The following NRG2 variants were observed in gnomAD, a reference collection of about 807,000 sequenced individuals.
The protein encoded by NRG2 is pro-neuregulin-2, membrane-bound isoform.
In NRG2, 27 loss-of-function variants were observed where a neutral mutation model predicts 73.9. The observed-to-expected ratio is 0.37, with a 90% confidence interval of 0.27 to 0.50. NRG2 has a LOEUF of 0.50. Among genes scored for constraint, NRG2 ranks in the 20% least tolerant of loss-of-function variants. The pLI is 0.96. For missense variants in NRG2, 1,126 were observed against 1,210.1 expected, an observed-to-expected ratio of 0.93 and a Z score of 1.03; for synonymous variants, 532 against 541.0, an observed-to-expected ratio of 0.98 and a Z score of 0.23.
At chr5:139,967,394 C>T (rs919344692) in intron 1 of NRG2, among the ~76,000 whole-genome samples, 1 of 152,206 alleles carries the variant, frequency 6.6e-6, no homozygotes, top group Non-Finnish European at 1.5e-5. Context: ...TACTGAAGGA[C>T]AAGTGTCCTT....
Position 139,848,207 on chromosome 5 carries a change from G to T in NRG2, c.2263C>A (p.Arg755Ser), listed in dbSNP as rs1353274801. 7.7e-7 allele frequency: 1 copy of T among 1,290,644 alleles called. No individual in the cohort carries two copies. 79.9% of individuals were successfully genotyped at this position (1,290,644 alleles called of 1,614,324 possible). A position where few individuals can be genotyped will look rare whatever the true frequency, so the allele number is the denominator to read the frequency against. Reference sequence around the variant, plus strand: ...AGCGAGTCCCTCGCCGCCCGTGCGCGCTGCGCCGCCAGCCCGTTGAGGCGC... The same window carrying T: ...AGCGAGTCCCTCGCCGCCCGTGCGCTCTGCGCCGCCAGCCCGTTGAGGCGC... The part of the protein sequence containing the change: ...RSRLNGLAAQ[R>S]ARAARDSLSL... The change falls in exon 10 of 10, where the codon CGC becomes AGC. Residue 755 changes from arginine (R) to serine (S), a missense_variant. This residue lies in a region of NRG2 where 402 missense variants were observed against 357.8 expected (regional missense o/e 1.12). Transcript: ENST00000361474.
chr5:140,029,813 T>A (rs1760998141), intron 1 of NRG2, among the ~76,000 whole-genome samples: 1 of 152,022 alleles, frequency 6.6e-6, no homozygotes, highest in African/African-American at 2.4e-5. Flanking sequence ...CTGTACCCTC[T>A]ACAAAGTGGT....
rs544064158 is a variant in NRG2 at position 139,873,302 on chromosome 5, G to A, written c.992-1461C>T. 1.1e-4 allele frequency among the ~76,000 whole-genome samples: 16 copies of A among 152,292 alleles called. 1 individual carries two copies. The South Asian group carries it at 2.9e-3, about 28-fold the overall frequency. ...CAGACCCAGCTGGAACCCACGTGCT[G>A]GCTGGAACTAGAGACCTCCTGCTGA... On this transcript the variant is annotated intron_variant, in intron 3 of 9. Transcript: ENST00000361474.
In NRG2 at chr5:140,034,665, GAAACA is replaced by G. The variant is rs1322683624; in HGVS notation, c.700+7700_700+7704del. On this transcript the variant is annotated intron_variant, in intron 1 of 9. Coordinates refer to ENST00000361474, the MANE Select transcript of NRG2 (RefSeq NM_004883.3). ...GTCACAACATACAAAGTCAATATAT[GAAACA>G]AAACAAAACAATGATATTTCTACAC... 7.2e-5 allele frequency among the ~76,000 whole-genome samples: 11 copies of G among 151,852 alleles called. No homozygotes were observed. In the East Asian group the frequency reaches 2.1e-3, roughly 29 times the overall value.
Position 140,021,616 on chromosome 5 carries a change from C to T in NRG2, c.700+20754G>A, listed in dbSNP as rs548005671. ...CTCTGCAACAACAACATGAGCATGC[C>T]CTACTATTTTATTAATGCCTTCTTG... On this transcript the variant is annotated intron_variant, in intron 1 of 9. Coordinates refer to ENST00000361474, the MANE Select transcript of NRG2 (RefSeq NM_004883.3). Among the ~76,000 whole-genome samples, 3 of 152,188 alleles carry T rather than the reference C, an allele frequency of 2.0e-5. No homozygotes were observed. The East Asian group carries it at 5.8e-4, about 29-fold the overall frequency.
Position 139,963,996 on chromosome 5 carries a change from A to G in NRG2, c.701-76485T>C, listed in dbSNP as rs182728625. Among the ~76,000 whole-genome samples the G allele has an allele frequency of 3.2e-4, 49 of 152,106 alleles. No individual in the cohort carries two copies. The Middle Eastern group carries it at 0.014, about 42-fold the overall frequency. Reference sequence around the variant, plus strand: ...CCAAGCCAGGAAAAAAGAACAAGAGAAAAAAAAGGGGGCTCTGTTCCATGA... The same window carrying G: ...CCAAGCCAGGAAAAAAGAACAAGAGGAAAAAAAGGGGGCTCTGTTCCATGA... On this transcript the variant is annotated intron_variant, in intron 1 of 9. Transcript: ENST00000361474.
intron 1 of NRG2, among the ~76,000 whole-genome samples, chr5:139,992,029 C>T (rs896942498): frequency 2.6e-5 from 4 of 152,018 alleles, no homozygotes; most frequent in African/African-American, 9.7e-5. Context: ...TATTTTAAAT[C>T]CTTACCAGGT....
At chr5:140,038,656 C>G (rs1215307492) in intron 1 of NRG2, among the ~76,000 whole-genome samples, 2 of 152,136 alleles carry the variant, frequency 1.3e-5, no homozygotes, top group African/African-American at 2.4e-5. Context: ...ATGGAGAGTC[C>G]TTCTATAAAC....
At chr5:139,968,687 G>A (rs1244625091) in intron 1 of NRG2, among the ~76,000 whole-genome samples, 2 of 152,214 alleles carry the variant, frequency 1.3e-5, no homozygotes, top group Non-Finnish European at 2.9e-5. Context: ...GCTCCCAACA[G>A]GCTGTGTTCT....
rs1210336028 is a variant in NRG2 at position 139,870,877 on chromosome 5, C to T, written c.1112+844G>A. Among the ~76,000 whole-genome samples the T allele has an allele frequency of 6.6e-6, 1 of 152,214 alleles. No homozygotes were observed. Among genetic ancestry groups the T allele is most frequent in the East Asian group, 1.9e-4 (1 of 5,192 alleles). ...CTGAACGAGCCCTCCCTGACAGCCT[C>T]TCTCCCACCTGCCTTGTTTGCTATG... On this transcript the variant is annotated intron_variant, in intron 4 of 9. Coordinates refer to ENST00000361474, the MANE Select transcript of NRG2 (RefSeq NM_004883.3). This position sits in a 1 kb window ranked among gnomAD's most constrained non-coding sequence, Gnocchi z 4.4.
At chr5:140,026,542 A>G (rs1199524102) in intron 1 of NRG2, among the ~76,000 whole-genome samples, 1 of 152,172 alleles carries the variant, frequency 6.6e-6, no homozygotes, top group Non-Finnish European at 1.5e-5. Context: ...TCCAAGCTGT[A>G]GTATGCTATT....
Position 140,042,423 on chromosome 5 carries a change from G to A in NRG2, c.647C>T (p.Thr216Ile). The change falls in exon 1 of 10, where the codon ACC becomes ATC. Residue 216 changes from threonine to isoleucine, a missense_variant. Transcript: ENST00000361474. Reference sequence around the variant, plus strand: ...CTCTTTCTTGAGATTTTTGCCGTTGGTATCGAGGGGGGCAAAGGCCGTCTT... The same window carrying A: ...CTCTTTCTTGAGATTTTTGCCGTTGATATCGAGGGGGGCAAAGGCCGTCTT... ...VFKTAFAPLD[T>I]NGKNLKKEVG... 6.2e-7 allele frequency: 1 copy of A among 1,606,898 alleles called. No homozygotes were observed. The highest frequency in any genetic ancestry group is 8.5e-7 in the Non-Finnish European group (1 of 1,176,636).
At chr5:139,921,437 C>T (rs1199860521) in intron 1 of NRG2, among the ~76,000 whole-genome samples, 1 of 152,062 alleles carries the variant, frequency 6.6e-6, no homozygotes, top group Non-Finnish European at 1.5e-5. Context: ...CAGAAATAGA[C>T]CCACATAAAT....
In NRG2 at chr5:139,851,702, C is replaced by A; in HGVS notation, c.1674G>T (p.Arg558Ser). The A allele has an allele frequency of 6.2e-7, 1 of 1,614,202 alleles. No individual in the cohort carries two copies. Among genetic ancestry groups the A allele is most frequent in the Non-Finnish European group, 8.5e-7 (1 of 1,180,026 alleles). ...NSPACVEARA[R>S]RAAAYNLEER... is the part of the protein sequence containing the mutation. ...CCTCCAGGTTGTAGGCTGCTGCCCGCCTTGCCCGGGCCTCCACACATGCTG... is the reference window on the plus strand; with the variant it reads ...CCTCCAGGTTGTAGGCTGCTGCCCGACTTGCCCGGGCCTCCACACATGCTG... The change falls in exon 9 of 10, where the codon AGG becomes AGT. Residue 558 changes from arginine to serine, a missense_variant. Around this residue, in one of 3 missense-constraint regions of NRG2, gnomAD observed 539 missense variants for 703.2 expected, o/e 0.77. Transcript: ENST00000361474. This position sits in a 1 kb window ranked among gnomAD's most constrained non-coding sequence, Gnocchi z 4.2.
rs1761799692 is a variant in NRG2 at position 139,856,169 on chromosome 5, G to A, written c.1190-391C>T. The A allele has an allele frequency of 2.7e-5, 6 of 221,118 alleles. No individual in the cohort carries two copies. In the South Asian group the frequency reaches 3.9e-4, roughly 14 times the overall value. The allele number at this position is 221,118 out of a possible 1,614,324, so 13.7% of individuals were successfully genotyped here. ...ACCCTGCCCTGCTCCACAGTGGCCT[G>A]GTAGCTGCAAAGAACCTTGGTGGGC... On this transcript the variant is annotated intron_variant, in intron 5 of 9. Coordinates refer to ENST00000361474, the MANE Select transcript of NRG2 (RefSeq NM_004883.3). This position sits in a 1 kb window ranked among gnomAD's most constrained non-coding sequence, Gnocchi z 4.2.
intron 1 of NRG2, among the ~76,000 whole-genome samples, chr5:140,016,939 G>T (rs920197340): frequency 6.6e-6 from 1 of 152,232 alleles, no homozygotes; most frequent in Non-Finnish European, 1.5e-5. Flanking sequence ...TGGAGGCCAC[G>T]TGAGGGTTTT....
rs1388189792 is a variant in NRG2 at position 139,856,974 on chromosome 5, C to A, written c.1190-1196G>T. On this transcript the variant is annotated intron_variant, in intron 5 of 9. Transcript: ENST00000361474. This position sits in a 1 kb window ranked among gnomAD's most constrained non-coding sequence, Gnocchi z 4.2. ...CACAGCCCTGGCTCCAGCTCTCACG[C>A]CCCCTTCACATGCCTCATCCAGTTC... 6.6e-6 allele frequency among the ~76,000 whole-genome samples: 1 copy of A among 152,178 alleles called. No individual in the cohort carries two copies. Among genetic ancestry groups the A allele is most frequent in the Non-Finnish European group, 1.5e-5 (1 of 68,016 alleles).
intron 1 of NRG2, among the ~76,000 whole-genome samples, chr5:139,912,463 A>G (rs896755330): frequency 4.6e-5 from 7 of 152,052 alleles, no homozygotes; most frequent in African/African-American, 1.7e-4. Flanking sequence ...CCTTCTGGGA[A>G]TTTCCTCAAT....
rs79349700 is a variant in NRG2, at chr5:140,018,585, C to T, written c.700+23785G>A. On this transcript the variant is annotated intron_variant, in intron 1 of 9. Transcript: ENST00000361474. ...TTTCTCCAATTTACTATCTCATAGC[C>T]GTGGCACTTGACTCTAGGATGAGAA... Among the ~76,000 whole-genome samples the T allele has an allele frequency of 3.8e-3, 582 of 152,286 alleles. 2 individuals are homozygous for T. The highest frequency in any genetic ancestry group is 0.021 in the South Asian group (101 of 4,834).
Sources: allele counts gnomAD v4.1 joint callset (sites outside exome capture counted in the v4.1 genomes callset), GRCh38; gene constraint gnomAD v4.1.1; regional missense constraint gnomAD v4.1.1; non-coding constraint Gnocchi (gnomAD v3.1); transcripts MANE v1.5; gene names NCBI Gene and HGNC (gene_info 2026-07-23, HGNC 2026-07-21).